The following CNPY4 variants were observed in gnomAD, a reference collection of about 807,000 sequenced individuals.
CNPY4 encodes protein canopy homolog 4.
In CNPY4, 33 loss-of-function variants were observed where a neutral mutation model predicts 30.1. That is an observed-to-expected ratio of 1.10 (90% CI 0.83 to 1.46). The LOEUF (loss-of-function observed/expected upper bound fraction) is 1.46. Ranked by LOEUF, CNPY4 falls within the 40% of genes most tolerant of loss-of-function variation. The pLI, the probability that CNPY4 is intolerant of heterozygous loss-of-function variation, is 0.00. For synonymous variants in CNPY4, 109 were observed against 110.1 expected (o/e 0.99, Z 0.06); for missense variants, 324 against 302.6 (o/e 1.07, Z -0.52).
intron 1 of CNPY4, 181 bp from the exon 2 acceptor site, chr7:100,122,078 C>G: frequency 1.7e-6 from 1 of 581,646 alleles, no homozygotes; most frequent in Non-Finnish European, 2.9e-6. Context: ...ATGAAGAAAC[C>G]GAGGCACAGC....
In CNPY4 at chr7:100,119,879, G is replaced by C; in HGVS notation, c.118+17G>C. ...AATGCGAAGGTATTTGAAGGGGGTA[G>C]CCCCTATAGGCATCGCCCGGCCACA... On this transcript the variant is annotated intron_variant, in intron 1 of 5. Coordinates refer to ENST00000262932, the MANE Select transcript of CNPY4 (RefSeq NM_152755.2). The C allele has an allele frequency of 6.3e-7, 1 of 1,583,312 alleles. No individual in the cohort carries two copies. Among genetic ancestry groups the C allele is most frequent in the Non-Finnish European group, 8.6e-7 (1 of 1,163,010 alleles).
intron 2 of CNPY4, 29 bp downstream of exon 2, chr7:100,122,414 A>G: frequency 6.2e-7 from 1 of 1,613,938 alleles, no homozygotes; most frequent in Non-Finnish European, 8.5e-7. Flanking sequence ...TCCCCTTTCC[A>G]ACCCCCAACG....
intron 4 of CNPY4, 147 bp from the exon 5 acceptor site, chr7:100,124,367 G>C (rs1243086168): frequency 1.6e-6 from 1 of 624,256 alleles, no homozygotes; most frequent in East Asian, 2.6e-5. Flanking sequence ...TTTGTTGAAT[G>C]AATGAGGATT....
Position 100,122,465 on chromosome 7 carries a change from T to G in CNPY4, c.246-16T>G. On this transcript the variant is annotated splice_polypyrimidine_tract_variant and intron_variant, in intron 2 of 5. Transcript: ENST00000262932. ...CTACAGCATCCAGGGAATCTTTGTTTCCTCTCTTTCCACAGAGAGACAAGG... is the reference window on the plus strand; with the variant it reads ...CTACAGCATCCAGGGAATCTTTGTTGCCTCTCTTTCCACAGAGAGACAAGG... 1.9e-6 allele frequency: 3 copies of G among 1,613,972 alleles called. No homozygotes were observed. The highest frequency in any genetic ancestry group is 2.5e-6 in the Non-Finnish European group (3 of 1,179,932).
chr7:100,121,138 T>A (rs1798051623), intron 1 of CNPY4: 1 of 108,652 alleles, frequency 9.2e-6, no homozygotes, highest in African/African-American at 3.5e-5. Context: ...TTTTTTTTTT[T>A]TTTTTTTTTT....
chr7:100,125,473 A>G lies in CNPY4; in HGVS notation c.*585A>G, dbSNP rs1798186120. 1 of 152,178 alleles carries G rather than the reference A, an allele frequency of 6.6e-6. No individual in the cohort carries two copies. Among genetic ancestry groups the G allele is most frequent in the African/African-American group, 2.4e-5 (1 of 41,406 alleles). The allele number at this position is 152,178 out of a possible 1,614,324, so 9.4% of individuals were successfully genotyped here. On this transcript the variant is annotated 3_prime_UTR_variant, in exon 6 of 6. Transcript: ENST00000262932. ...TAGTTTTATAGGTGCTCAATTTTCT[A>G]TATCGCTATTAAACTTTTTTCTTTT...
chr7:100,123,238 A>T (rs1425117791), intron 4 of CNPY4, among the ~76,000 whole-genome samples: 1 of 151,912 alleles, frequency 6.6e-6, no homozygotes, highest in African/African-American at 2.4e-5. Flanking sequence ...GCTACTTGGG[A>T]GGCTGAGGCA....
In CNPY4 at chr7:100,125,246, G is replaced by C. The variant is rs1476531670; in HGVS notation, c.*358G>C. ...TTGGGGAAGTCACTTAGCTCCTTAA[G>C]GTCTGTTTTTAGACCCTTCCAAGGA... On this transcript the variant is annotated 3_prime_UTR_variant, in exon 6 of 6. Coordinates refer to ENST00000262932, the MANE Select transcript of CNPY4 (RefSeq NM_152755.2). 1 of 222,374 alleles carries C rather than the reference G, an allele frequency of 4.5e-6. No individual in the cohort carries two copies. The highest frequency in any genetic ancestry group is 9.0e-6 in the Non-Finnish European group (1 of 111,502). 13.8% of individuals were successfully genotyped at this position (222,374 alleles called of 1,614,324 possible).
intron 4 of CNPY4, among the ~76,000 whole-genome samples, chr7:100,124,220 G>A (rs1035959724): frequency 6.6e-6 from 1 of 151,652 alleles, no homozygotes; most frequent in Non-Finnish European, 1.5e-5. Context: ...CTCTGGACCA[G>A]ATACTTTGCA....
chr7:100,122,100 T>C (rs1033236274), intron 1 of CNPY4, 159 bp from the exon 2 acceptor site: 4 of 736,462 alleles, frequency 5.4e-6, no homozygotes, highest in East Asian at 5.8e-5. Flanking sequence ...AGCAGGAAGA[T>C]TGCCACACAG....
At chr7:100,124,682 C>T (rs779528954) in intron 5 of CNPY4, 43 bp from the exon 6 acceptor site, 2 of 1,612,766 alleles carry the variant, frequency 1.2e-6, no homozygotes, top group Non-Finnish European at 1.7e-6. Context: ...CCTCCCCTGC[C>T]TCCAGGACTA....
At chr7:100,121,116 ATTTTTTTTTTTTTTTTTTTTT>A (rs1163501525) in intron 1 of CNPY4, 4 of 52,800 alleles carry the variant, frequency 7.6e-5, no homozygotes, top group African/African-American at 3.9e-4. Flanking sequence ...ATATATATAT[ATTTTTTTTTTTTTTTTTTTTT>A]TTTTTTTTTT....
chr7:100,119,777 C>T lies in CNPY4; in HGVS notation c.33C>T (p.Phe11=), dbSNP rs1215289047. 15 of 1,613,976 alleles carry T rather than the reference C, an allele frequency of 9.3e-6. No homozygotes were observed. The Admixed American group carries it at 2.0e-4, about 22-fold the overall frequency. MGPVRLGILL[F]LFLAVHEAWA... is the part of the protein sequence containing the mutation. ...CTGTGCGGTTGGGAATATTGCTTTT[C>T]CTTTTTTTGGCCGTGCACGAGGCTT... is the stretch of plus-strand genomic sequence containing the variant. Residue 11 remains phenylalanine, a synonymous_variant, in exon 1 of 6, where the codon TTC becomes TTT. Coordinates refer to ENST00000262932, the MANE Select transcript of CNPY4 (RefSeq NM_152755.2).
At chr7:100,122,995 A>AGACAT in intron 4 of CNPY4, 89 bp downstream of exon 4, 13 of 1,382,298 alleles carry the variant, frequency 9.4e-6, no homozygotes, top group Non-Finnish European at 1.2e-5. Context: ...GGGGATGTCT[A>AGACAT]CCCCTAAGCA....
rs536019972 is a variant in CNPY4 at position 100,123,055 on chromosome 7, G to A, written c.465+149G>A. 1.5e-5 allele frequency: 13 copies of A among 846,782 alleles called. No homozygotes were observed. The East Asian group carries it at 3.4e-4, about 22-fold the overall frequency. 52.5% of individuals were successfully genotyped at this position (846,782 alleles called of 1,614,324 possible). A position where few individuals can be genotyped will look rare whatever the true frequency, so the allele number is the denominator to read the frequency against. On this transcript the variant is annotated intron_variant, in intron 4 of 5. Coordinates refer to ENST00000262932, the MANE Select transcript of CNPY4 (RefSeq NM_152755.2). The stretch of plus-strand genomic sequence containing the variant: ...TGTGCCATTGATTAAAGTGGGTCCA[G>A]GAGCGGTGGGGTGCGGTGGCTCACA...
At chr7:100,121,423 C>T (rs1798066525) in intron 1 of CNPY4, 1 of 151,440 alleles carries the variant, frequency 6.6e-6, no homozygotes, top group East Asian at 1.9e-4. Context: ...AGGCATGAGT[C>T]ACTGTGCTGG....
At chr7:100,123,020 G>C in intron 4 of CNPY4, 114 bp downstream of exon 4, 3 of 1,160,788 alleles carry the variant, frequency 2.6e-6, no homozygotes, top group Non-Finnish European at 3.6e-6. Flanking sequence ...GAAGGGGCCA[G>C]AGTGAGGACT....
Position 100,122,318 on chromosome 7 carries a change from G to A in CNPY4, c.178G>A (p.Glu60Lys). The A allele has an allele frequency of 6.2e-7, 1 of 1,614,144 alleles. No homozygotes were observed. The highest frequency in any genetic ancestry group is 8.5e-7 in the Non-Finnish European group (1 of 1,180,024). The change falls in exon 2 of 6, where the codon GAG (glutamate) becomes AAG (lysine). Residue 60 changes from glutamate (E) to lysine (K), a missense_variant. By Grantham distance (56) the Glu-to-Lys change is moderately conservative. Coordinates refer to ENST00000262932, the MANE Select transcript of CNPY4 (RefSeq NM_152755.2). ...AELSRTGRSR[E>K]VLELGQVLDT... is the part of the protein sequence containing the mutation. ...ACTGAGTCGCACCGGTCGATCTCGA[G>A]AGGTGCTGGAGCTGGGGCAGGTGCT...
chr7:100,122,227 A>G (rs1345387192), intron 1 of CNPY4, 32 bp from the exon 2 acceptor site: 13 of 1,611,358 alleles, frequency 8.1e-6, no homozygotes, highest in African/African-American at 1.3e-5. Context: ...TTTGTCTTTT[A>G]CCTCCCCCCG....
Sources: gnomAD v4.1 joint callset for allele counts (sites outside exome capture counted in the v4.1 genomes callset) on GRCh38, gnomAD v4.1.1 for gene constraint, MANE v1.5 for transcripts, NCBI Gene and HGNC (gene_info 2026-07-23, HGNC 2026-07-21) for gene names.